Variants in DGKI observed in about 807,000 individuals in gnomAD.
DGKI encodes DAG kinase iota.
A neutral mutation model predicts 147.5 loss-of-function variants in DGKI; 55 were observed. The ratio of observed to expected loss-of-function variants is 0.37; its 90% CI spans 0.30 to 0.47. The LOEUF is 0.47. Among genes scored for constraint, DGKI ranks in the 20% least tolerant of loss-of-function variants. The pLI, the probability that DGKI is intolerant of heterozygous loss-of-function variation, is 1.00. For missense variants in DGKI, 1,007 were observed against 1,323.8 expected (o/e 0.76, Z 3.71); for synonymous variants, 469 against 477.1 (o/e 0.98, Z 0.22).
intron 6 of DGKI, among the ~76,000 whole-genome samples, chr7:137,638,646 A>ATG (rs377284025): frequency 1.4e-4 from 1 of 7,326 alleles, no homozygotes; most frequent in African/African-American, 1.5e-3. Context: ...ATATATGTGT[A>ATG]TGTATATACA....
intron 1 of DGKI, among the ~76,000 whole-genome samples, chr7:137,720,806 T>A (rs961063622): frequency 3.9e-5 from 6 of 152,194 alleles, no homozygotes; most frequent in Non-Finnish European, 8.8e-5. Flanking sequence ...GTCTCCATGA[T>A]GTATTTTTAA....
intron 20 of DGKI, among the ~76,000 whole-genome samples, chr7:137,541,433 C>T (rs917953465): frequency 5.3e-5 from 8 of 152,200 alleles, no homozygotes; most frequent in African/African-American, 1.9e-4. Context: ...CAACTATTTA[C>T]ATAGCATTTG....
At chr7:137,577,750 CT>C (rs1295879305) in intron 16 of DGKI, among the ~76,000 whole-genome samples, 1 of 152,052 alleles carries the variant, frequency 6.6e-6, no homozygotes, top group African/African-American at 2.4e-5. Flanking sequence ...TTTTGGATGC[CT>C]TTTTTTCATT....
At chr7:137,595,823 G>A (rs1254357615) in intron 12 of DGKI, among the ~76,000 whole-genome samples, 1 of 151,638 alleles carries the variant, frequency 6.6e-6, no homozygotes, top group Non-Finnish European at 1.5e-5. Flanking sequence ...CTAACACGGT[G>A]AAACATCGTC....
chr7:137,682,790 T>C (rs1355158790), intron 2 of DGKI, among the ~76,000 whole-genome samples: 1 of 152,196 alleles, frequency 6.6e-6, no homozygotes, highest in African/African-American at 2.4e-5. Context: ...CATTCCTCCA[T>C]GATTTTTTGT....
rs1554442534 is a variant in DGKI at position 137,618,152 on chromosome 7, T to TATATATATATATATATATATATATA, written c.993+1671_993+1672insTATATATATATATATATATATATAT. Among the ~76,000 whole-genome samples the TATATATATATATATATATATATATA allele has an allele frequency of 8.3e-4, 12 of 14,382 alleles. 1 individual carries two copies. The highest frequency in any genetic ancestry group is 1.7e-3 in the Non-Finnish European group (8 of 4,656). 9.4% of individuals were successfully genotyped at this position (14,382 alleles called of 152,430 possible). A position where few individuals can be genotyped will look rare whatever the true frequency, so the allele number is the denominator to read the frequency against. ...CTATATATATATATATATATATATA[T>TATATATATATATATATATATATATA]TTTTTTTTTTTTACTCTATCATTCC... On this transcript the variant is annotated intron_variant, in intron 8 of 32. Coordinates refer to ENST00000614521, the MANE Select transcript of DGKI (RefSeq NM_001321708.2).
At chr7:137,737,504 C>T (rs907702225) in intron 1 of DGKI, among the ~76,000 whole-genome samples, 3 of 142,664 alleles carry the variant, frequency 2.1e-5, no homozygotes, top group Admixed American at 7.2e-5. Context: ...TTAGTCCCTT[C>T]GTTTTATTAA....
intron 1 of DGKI, among the ~76,000 whole-genome samples, chr7:137,707,590 T>C (rs1317578714): frequency 6.6e-6 from 1 of 152,196 alleles, no homozygotes; most frequent in Non-Finnish European, 1.5e-5. Context: ...TGAGAACTGG[T>C]TGTTTAAAAG....
At chr7:137,676,837 G>A (rs1281602333) in intron 3 of DGKI, among the ~76,000 whole-genome samples, 4 of 152,164 alleles carry the variant, frequency 2.6e-5, no homozygotes, top group Non-Finnish European at 1.5e-5. Context: ...GAGGATATAC[G>A]TATCTGTTCA....
chr7:137,512,814 T>C (rs1816622731), intron 21 of DGKI, among the ~76,000 whole-genome samples: 2 of 152,184 alleles, frequency 1.3e-5, no homozygotes, highest in South Asian at 2.1e-4. Context: ...AGAAAGCCTT[T>C]AGGTCATAAA....
chr7:137,478,337 C>A (rs1281691214), intron 23 of DGKI, among the ~76,000 whole-genome samples: 2 of 152,164 alleles, frequency 1.3e-5, no homozygotes, highest in Non-Finnish European at 2.9e-5. Flanking sequence ...ACATTCTTAA[C>A]CTACCATGAC....
Position 137,538,759 on chromosome 7 carries a change from G to A in DGKI, c.2147+13610C>T, listed in dbSNP as rs117211232. Among the ~76,000 whole-genome samples the A allele has an allele frequency of 6.9e-4, 105 of 152,260 alleles. 1 individual carries two copies. Among genetic ancestry groups the A allele is most frequent in the East Asian group, 6.6e-3 (34 of 5,184 alleles). Reference sequence around the variant, plus strand: ...GCATTATTTCTTCCCCACTGCATGCGGCTATACAATGTGGACAGGTTTCAT... The same window carrying A: ...GCATTATTTCTTCCCCACTGCATGCAGCTATACAATGTGGACAGGTTTCAT... On this transcript the variant is annotated intron_variant, in intron 20 of 32. Coordinates refer to ENST00000614521, the MANE Select transcript of DGKI (RefSeq NM_001321708.2).
At chr7:137,435,495 G>A (rs878950829) in intron 28 of DGKI, among the ~76,000 whole-genome samples, 1 of 152,078 alleles carries the variant, frequency 6.6e-6, no homozygotes, top group Admixed American at 6.6e-5. Flanking sequence ...CAAGAAAGGC[G>A]AGGTCTAGAG....
intron 1 of DGKI, among the ~76,000 whole-genome samples, chr7:137,705,996 T>C (rs1794008739): frequency 6.6e-6 from 1 of 152,152 alleles, no homozygotes; most frequent in Non-Finnish European, 1.5e-5. Context: ...TTTTATTGCA[T>C]TCCTACTAGG....
At chr7:137,607,045 G>T (rs192180215) in intron 10 of DGKI, among the ~76,000 whole-genome samples, 125 of 152,236 alleles carry the variant, frequency 8.2e-4, no homozygotes, top group Non-Finnish European at 1.6e-3. Flanking sequence ...CTCGAGAAAT[G>T]GTTCAGAAAG....
intron 11 of DGKI, 46 bp from the exon 12 acceptor site, chr7:137,597,953 G>A: frequency 6.4e-7 from 1 of 1,562,142 alleles, no homozygotes; most frequent in Non-Finnish European, 8.8e-7. Flanking sequence ...ACATTTCACT[G>A]GCTAGAGCAG....
At chr7:137,725,089 G>A (rs920322629) in intron 1 of DGKI, among the ~76,000 whole-genome samples, 2 of 152,094 alleles carry the variant, frequency 1.3e-5, no homozygotes, top group African/African-American at 4.8e-5. Context: ...GTTTGAAAAG[G>A]ATTCCCTGAG....
chr7:137,730,120 T>G (rs1460370246), intron 1 of DGKI, among the ~76,000 whole-genome samples: 2 of 152,140 alleles, frequency 1.3e-5, no homozygotes, highest in African/African-American at 4.8e-5. Context: ...ATCTCTGGCA[T>G]GGCATTCATG....
At chr7:137,752,447 G>T (rs540979242) in intron 1 of DGKI, among the ~76,000 whole-genome samples, 22 of 152,236 alleles carry the variant, frequency 1.4e-4, no homozygotes, top group Non-Finnish European at 2.8e-4. Flanking sequence ...CCCTCATATT[G>T]TCTTATGCCC....
Sources: allele counts gnomAD v4.1 joint callset (sites outside exome capture counted in the v4.1 genomes callset), GRCh38; gene constraint gnomAD v4.1.1; transcripts MANE v1.5; gene names NCBI Gene and HGNC (gene_info 2026-07-23, HGNC 2026-07-21).